Variants in NSD1 observed in about 807,000 individuals in gnomAD.
NSD1 encodes the protein histone-lysine N-methyltransferase, H3 lysine-36 specific.
Under a neutral mutation model 242.7 loss-of-function variants are expected in NSD1, and 26 were observed. The ratio of observed to expected loss-of-function variants is 0.11; its 90% confidence interval spans 0.08 to 0.15. The LOEUF (loss-of-function observed/expected upper bound fraction) is 0.15. Among genes scored for constraint, NSD1 ranks in the 10% least tolerant of loss-of-function variants. NSD1 has a pLI of 1.00. For missense variants in NSD1, 2,495 were observed against 3,272.8 expected (o/e 0.76, Z 5.80); for synonymous variants, 1,106 against 1,178.1 (o/e 0.94, Z 1.25).
rs1392459383 is a variant in NSD1 at position 177,299,723 on chromosome 5, G to C, written c.*4264G>C. ...TTTCCCATGGCTTTCAAAACATCAG[G>C]TTATTGTGGGGCTTCAGGTGTAAGG... On this transcript the variant is annotated 3_prime_UTR_variant, in exon 23 of 23. Transcript: ENST00000439151. 1 of 233,294 alleles carries C rather than the reference G, an allele frequency of 4.3e-6. No individual in the cohort carries two copies. The highest frequency in any genetic ancestry group is 5.6e-5 in the Admixed American group (1 of 17,792). 14.5% of individuals were successfully genotyped at this position (233,294 alleles called of 1,614,324 possible).
At chr5:177,191,446 G>C (rs769060336) in intron 2 of NSD1, among the ~76,000 whole-genome samples, 5 of 152,140 alleles carry the variant, frequency 3.3e-5, no homozygotes, top group Non-Finnish European at 5.9e-5. Flanking sequence ...TGAAAAGCAT[G>C]TAGAATATCA....
chr5:177,153,811 G>GCTAACT (rs1445251982), intron 2 of NSD1, among the ~76,000 whole-genome samples: 1 of 152,118 alleles, frequency 6.6e-6, no homozygotes, highest in Non-Finnish European at 1.5e-5. Context: ...CCAGTACTAT[G>GCTAACT]CTAATAATTT....
intron 2 of NSD1, among the ~76,000 whole-genome samples, chr5:177,155,561 C>CTTTTTTTTTTTTTTTT (rs58025377): frequency 2.1e-5 from 2 of 96,608 alleles, no homozygotes. Context: ...ACCGCACTGG[C>CTTTTTTTTTTTTTTTT]TTTTTTTTTT....
rs141782355 is a variant in NSD1 at position 177,189,268 on chromosome 5, C to T, written c.928-2616C>T. On this transcript the variant is annotated intron_variant, in intron 2 of 22. Transcript: ENST00000439151. ...ATTAACAGACTTTTTGAAGGTGACA[C>T]AGTTTGTGATGGAGTCAGAAGAGAG... 2.4e-3 allele frequency among the ~76,000 whole-genome samples: 364 copies of T among 152,212 alleles called. 1 individual carries two copies. Among genetic ancestry groups the T allele is most frequent in the African/African-American group, 8.6e-3 (358 of 41,522 alleles).
intron 14 of NSD1, among the ~76,000 whole-genome samples, chr5:177,260,520 G>A (rs1230238265): frequency 2.0e-5 from 3 of 151,642 alleles, no homozygotes; most frequent in Non-Finnish European, 2.9e-5. Context: ...CTAATTGTTT[G>A]TATTTTTAGT....
rs150049493 is a variant in NSD1, at chr5:177,296,633, A to G, written c.*1174A>G. The stretch of plus-strand genomic sequence containing the variant: ...AGCACCTGCCTGCTGACTTAGCTCA[A>G]AGGCAAGCCAGAACCCTTCCCTGAA... On this transcript the variant is annotated 3_prime_UTR_variant, in exon 23 of 23. Transcript: ENST00000439151. 2.3e-3 allele frequency: 538 copies of G among 233,322 alleles called. 3 individuals are homozygous for G. Among genetic ancestry groups the G allele is most frequent in the African/African-American group, 0.011 (494 of 45,468 alleles). 14.5% of individuals were successfully genotyped at this position (233,322 alleles called of 1,614,324 possible).
At chr5:177,192,107 C>T (rs1203603274) in intron 3 of NSD1, 88 bp downstream of exon 3, 5 of 1,212,978 alleles carry the variant, frequency 4.1e-6, no homozygotes, top group East Asian at 5.2e-5. Flanking sequence ...ATATTTTTTT[C>T]CTTGGAACAT....
At chr5:177,253,985 T>TG (rs1209290832) in intron 12 of NSD1, among the ~76,000 whole-genome samples, 1 of 152,174 alleles carries the variant, frequency 6.6e-6, no homozygotes, top group Non-Finnish European at 1.5e-5. Flanking sequence ...TTCAGAGTCT[T>TG]GCACTGTCAC....
At chr5:177,193,431 C>T (rs541700044) in intron 3 of NSD1, among the ~76,000 whole-genome samples, 3 of 152,050 alleles carry the variant, frequency 2.0e-5, no homozygotes, top group South Asian at 2.1e-4. Context: ...CGTGAGCCAC[C>T]GTGCCGGGCC....
At chr5:177,213,914 C>G (rs2149852965) in intron 5 of NSD1, among the ~76,000 whole-genome samples, 1 of 152,052 alleles carries the variant, frequency 6.6e-6, no homozygotes, top group South Asian at 2.1e-4. Flanking sequence ...TAGTATGTAT[C>G]AGTTCTTCTG....
At chr5:177,263,594 T>C (rs955050456) in intron 14 of NSD1, among the ~76,000 whole-genome samples, 2 of 152,230 alleles carry the variant, frequency 1.3e-5, no homozygotes, top group Non-Finnish European at 2.9e-5. Flanking sequence ...TCAACATTGT[T>C]TTTCTATTCT....
chr5:177,256,820 T>G (rs1415112917), intron 12 of NSD1, 131 bp from the exon 13 acceptor site: 4 of 732,748 alleles, frequency 5.5e-6, no homozygotes, highest in Non-Finnish European at 7.3e-6. Context: ...ATACTAAGAT[T>G]GTTACAGTGG....
chr5:177,286,105 G>A (rs1315013321), intron 20 of NSD1, among the ~76,000 whole-genome samples: 1 of 151,906 alleles, frequency 6.6e-6, no homozygotes, highest in East Asian at 1.9e-4. Flanking sequence ...CAAGTGATCC[G>A]CCTACCTCGG....
At chr5:177,198,627 A>G (rs1762280649) in intron 3 of NSD1, among the ~76,000 whole-genome samples, 1 of 151,892 alleles carries the variant, frequency 6.6e-6, no homozygotes, top group Non-Finnish European at 1.5e-5. Context: ...GTAAACACCA[A>G]CATATGGGGG....
At position 177,179,778 on chromosome 5, in the gene NSD1, G is replaced by C. The variant is rs546551631; in HGVS notation, c.928-12106G>C. On this transcript the variant is annotated intron_variant, in intron 2 of 22. Coordinates refer to ENST00000439151, the MANE Select transcript of NSD1 (RefSeq NM_022455.5). ...ATTAACTAATGATTAATTGTAAAATGCATTCTTAGAGTTGGAAATAAGTTG... is the reference window on the plus strand; with the variant it reads ...ATTAACTAATGATTAATTGTAAAATCCATTCTTAGAGTTGGAAATAAGTTG... Among the ~76,000 whole-genome samples the C allele has an allele frequency of 3.3e-5, 5 of 152,300 alleles. No individual in the cohort carries two copies. In the South Asian group the frequency reaches 1.0e-3, roughly 32 times the overall value.
At chr5:177,132,875 G>C (rs896605279), upstream of NSD1, 1 of 152,318 alleles carries the variant, frequency 6.6e-6, no homozygotes, top group African/African-American at 2.4e-5. The surrounding 1 kb of genome is among the most constrained non-coding windows in gnomAD (Gnocchi z 7.5). Context: ...TCCCCGGCCC[G>C]TCTGCGCTGC....
intron 5 of NSD1, among the ~76,000 whole-genome samples, chr5:177,234,883 T>G (rs1326453151): frequency 6.6e-6 from 1 of 152,168 alleles, no homozygotes; most frequent in Non-Finnish European, 1.5e-5. Flanking sequence ...CTTCTTACCT[T>G]ATAAAATAAA....
At chr5:177,176,136 A>C (rs1347930857) in intron 2 of NSD1, among the ~76,000 whole-genome samples, 1 of 152,230 alleles carries the variant, frequency 6.6e-6, no homozygotes, top group Non-Finnish European at 1.5e-5. Flanking sequence ...TCGGCCTCCC[A>C]AAGTGCTGGG....
chr5:177,199,356 C>T (rs551264970), intron 3 of NSD1, among the ~76,000 whole-genome samples: 5 of 152,240 alleles, frequency 3.3e-5, no homozygotes, highest in East Asian at 3.9e-4. Context: ...CTCTTGGACT[C>T]ATGTGATTCT....
Sources: gnomAD v4.1 joint callset for allele counts (sites outside exome capture counted in the v4.1 genomes callset) on GRCh38, gnomAD v4.1.1 for gene constraint, Gnocchi (gnomAD v3.1) non-coding constraint, MANE v1.5 for transcripts, NCBI Gene and HGNC (gene_info 2026-07-23, HGNC 2026-07-21) for gene names.